The following ZBP1 variants were observed in gnomAD, a reference collection of about 807,000 sequenced individuals.
ZBP1 encodes the protein Z-DNA-binding protein 1.
In ZBP1, 42 loss-of-function variants were observed where a neutral mutation model predicts 41.1. The ratio of observed to expected loss-of-function variants is 1.02; its 90% CI spans 0.80 to 1.32. The LOEUF (loss-of-function observed/expected upper bound fraction) is 1.32, where lower values mean the gene tolerates loss of function less well. Ranked by LOEUF, ZBP1 falls within the 40% of genes most tolerant of loss-of-function variation. The pLI is 0.00. For missense variants in ZBP1, 562 were observed against 549.7 expected (o/e 1.02, Z -0.22); for synonymous variants, 214 against 205.2 (o/e 1.04, Z -0.37).
At chr20:57,614,506 G>A (rs571416525) in intron 4 of ZBP1, among the ~76,000 whole-genome samples, 2 of 152,270 alleles carry the variant, frequency 1.3e-5, no homozygotes, top group African/African-American at 4.8e-5. Flanking sequence ...GCTCCAGCCG[G>A]TAGGGGTCCA....
rs1039675593 is a variant in ZBP1 at position 57,611,834 on chromosome 20, A to G, written c.767T>C (p.Met256Thr). Residue 256 changes from methionine (M) to threonine (T), a missense_variant, in exon 6 of 8, where the codon ATG (methionine) becomes ACG (threonine). Transcript: ENST00000371173. Reference sequence around the variant, plus strand: ...CACCCGTCTCAGTATGGACTGCTCCATGTGGATGTCCTGGGGCCCCCAGGG... The same window carrying G: ...CACCCGTCTCAGTATGGACTGCTCCGTGTGGATGTCCTGGGGCCCCCAGGG... ...VDPWGPQDIHMEQSILRRVQL... is the reference protein window; with the variant it reads ...VDPWGPQDIHTEQSILRRVQL... 1.9e-6 allele frequency: 3 copies of G among 1,605,316 alleles called. No individual in the cohort carries two copies. Among genetic ancestry groups the G allele is most frequent in the Non-Finnish European group, 2.6e-6 (3 of 1,176,232 alleles).
intron 5 of ZBP1, 44 bp from the exon 6 acceptor site, chr20:57,611,974 G>C (rs771999288): frequency 1.6e-5 from 24 of 1,536,692 alleles, no homozygotes; most frequent in Non-Finnish European, 2.0e-5. Context: ...ATTACTGCAG[G>C]CTTCTTCCTT....
In ZBP1 at chr20:57,610,112, G is replaced by A; in HGVS notation, c.1093+37C>T. On this transcript the variant is annotated intron_variant, in intron 7 of 7. Transcript: ENST00000371173. This position sits in a 1 kb window ranked among gnomAD's most constrained non-coding sequence, Gnocchi z 5.5. ...AATGAGTGGAAGGTGGGGAGAGAGA[G>A]AGAACACACAGGGGTCCACTCTGCC... 6.4e-7 allele frequency: 1 copy of A among 1,573,436 alleles called. No individual in the cohort carries two copies. The highest frequency in any genetic ancestry group is 8.7e-7 in the Non-Finnish European group (1 of 1,145,454).
intron 4 of ZBP1, 67 bp downstream of exon 4, chr20:57,614,820 A>G: frequency 6.3e-7 from 1 of 1,588,886 alleles, no homozygotes; most frequent in Non-Finnish European, 8.6e-7. Flanking sequence ...CAGAGCACCC[A>G]GCAAAGACCA....
In ZBP1 at chr20:57,610,303, G is replaced by T. The variant is rs776059690; in HGVS notation, c.939C>A (p.His313Gln). 1.9e-5 allele frequency: 30 copies of T among 1,614,042 alleles called. No individual in the cohort carries two copies. Among genetic ancestry groups the T allele is most frequent in the Non-Finnish European group, 2.5e-5 (30 of 1,180,040 alleles). ...TTCTCTGGGCGGCTTCCCCCTCAGG[G>T]TGAGTTCCTGGACTGGGAATTCTTG... ...FEARIPSPGT[H>Q]PEGEAAQRIH... The change falls in exon 7 of 8, where the codon CAC (histidine) becomes CAA (glutamine). Residue 313 changes from histidine to glutamine, a missense_variant. By Grantham distance (24) the His-to-Gln change is conservative. Transcript: ENST00000371173. This position sits in a 1 kb window ranked among gnomAD's most constrained non-coding sequence, Gnocchi z 5.5.
At chr20:57,620,217 A>G (rs1568944494) in intron 1 of ZBP1, 45 bp downstream of exon 1, 1 of 1,557,948 alleles carries the variant, frequency 6.4e-7, no homozygotes, top group East Asian at 2.4e-5. Flanking sequence ...TAGAAATCTC[A>G]CCCCGGGAGC....
intron 1 of ZBP1, among the ~76,000 whole-genome samples, chr20:57,618,477 C>T (rs2070902749): frequency 6.6e-6 from 1 of 151,824 alleles, no homozygotes; most frequent in Non-Finnish European, 1.5e-5. Context: ...AATTAGAAGA[C>T]CTGGGAATTC....
rs370459979 is a variant in ZBP1 at position 57,612,184 on chromosome 20, G to C, written c.671-254C>G. 3.3e-5 allele frequency among the ~76,000 whole-genome samples: 5 copies of C among 152,230 alleles called. No individual in the cohort carries two copies. In the South Asian group the frequency reaches 1.0e-3, roughly 32 times the overall value. Reference sequence around the variant, plus strand: ...CACAAACCCAAACAATGAGCTCCTTGTTCTGATTCCCAGTCACTCCCGAGC... The same window carrying C: ...CACAAACCCAAACAATGAGCTCCTTCTTCTGATTCCCAGTCACTCCCGAGC... On this transcript the variant is annotated intron_variant, in intron 5 of 7. Transcript: ENST00000371173.
At chr20:57,609,398 C>G (rs137935309) in intron 7 of ZBP1, among the ~76,000 whole-genome samples, 3 of 152,184 alleles carry the variant, frequency 2.0e-5, no homozygotes, top group African/African-American at 7.2e-5. Flanking sequence ...TCCCCTGAGT[C>G]TCTGCTGGGC....
chr20:57,616,105 A>G, intron 2 of ZBP1, 139 bp downstream of exon 2: 1 of 756,114 alleles, frequency 1.3e-6, no homozygotes, highest in Non-Finnish European at 2.0e-6. Context: ...CCAGAAAAAG[A>G]AACCAAGGCA....
At chr20:57,615,778 G>C in intron 2 of ZBP1, 198 bp from the exon 3 acceptor site, 1 of 556,302 alleles carries the variant, frequency 1.8e-6, no homozygotes, top group South Asian at 2.4e-5. Context: ...AACTTCTCCG[G>C]GGCTCAGCCT....
At chr20:57,607,346 A>C (rs2070523233) in intron 7 of ZBP1, 6 of 1,260,146 alleles carry the variant, frequency 4.8e-6, no homozygotes, top group Non-Finnish European at 6.2e-6. Flanking sequence ...TTAGAAGTGG[A>C]ATATGAAGAT....
chr20:57,619,800 A>G (rs931590297), intron 1 of ZBP1, among the ~76,000 whole-genome samples: 3 of 151,914 alleles, frequency 2.0e-5, no homozygotes, highest in Non-Finnish European at 4.4e-5. Context: ...GGGCACAGTC[A>G]GCTGTCAAAG....
chr20:57,607,367 T>G (rs951060460), intron 7 of ZBP1: 5 of 1,229,570 alleles, frequency 4.1e-6, no homozygotes, highest in Middle Eastern at 2.7e-4. Context: ...GGGACTGAAT[T>G]GCTGCAATCT....
rs180917726 is a variant in ZBP1 at position 57,619,423 on chromosome 20, G to A, written c.34+839C>T. On this transcript the variant is annotated intron_variant, in intron 1 of 7. Transcript: ENST00000371173. ...ACAAAACAAACACATCCCCCAAACC[G>A]CAAAACCACACTTCACCTACAGTCC... Among the ~76,000 whole-genome samples the A allele has an allele frequency of 3.5e-3, 540 of 152,194 alleles. 2 individuals carry two copies. The highest frequency in any genetic ancestry group is 5.4e-3 in the Non-Finnish European group (366 of 68,012).
intron 3 of ZBP1, 74 bp from the exon 4 acceptor site, chr20:57,615,134 G>A: frequency 2.6e-6 from 4 of 1,542,088 alleles, no homozygotes; most frequent in Non-Finnish European, 2.7e-6. Context: ...TCCTAGCTGT[G>A]TGGCCCTGGA....
intron 1 of ZBP1, chr20:57,616,838 C>G: frequency 3.8e-6 from 1 of 264,750 alleles, no homozygotes; most frequent in East Asian, 9.3e-5. Flanking sequence ...GGCAGGGGGA[C>G]CTGGGAGCGC....
In ZBP1 at chr20:57,613,142, G is replaced by T. The variant is rs752257596; in HGVS notation, c.670+21C>A. ...GGCTCCCCACCGAGGTCCCCTCCCT[G>T]GGCTCTCTTGGGTGACTTACCGTCC... On this transcript the variant is annotated intron_variant, in intron 5 of 7. Transcript: ENST00000371173. The surrounding 1 kb of genome is among the most constrained non-coding windows in gnomAD (Gnocchi z 4.5). The T allele has an allele frequency of 4.3e-6, 7 of 1,613,958 alleles. No individual in the cohort carries two copies. Among genetic ancestry groups the T allele is most frequent in the Non-Finnish European group, 5.9e-6 (7 of 1,179,976 alleles).
chr20:57,618,871 G>C (rs750419314), intron 1 of ZBP1, among the ~76,000 whole-genome samples: 27 of 152,308 alleles, frequency 1.8e-4, no homozygotes, highest in Non-Finnish European at 4.0e-4. Flanking sequence ...GTGAGCCACT[G>C]CGCCTGGCCG....
Sources: gnomAD v4.1 joint callset for allele counts (sites outside exome capture counted in the v4.1 genomes callset) on GRCh38, gnomAD v4.1.1 for gene constraint, Gnocchi (gnomAD v3.1) non-coding constraint, MANE v1.5 for transcripts, NCBI Gene and HGNC (gene_info 2026-07-23, HGNC 2026-07-21) for gene names.